The following TCEAL5 variants were observed in gnomAD, a reference collection of about 807,000 sequenced individuals.
The protein encoded by TCEAL5 is transcription elongation factor A protein-like 5.
For missense variants in TCEAL5, 111 were observed against 158.1 expected (o/e 0.70, Z 1.60); for synonymous variants, 65 against 61.2 (o/e 1.06, Z -0.29).
chrX:103,276,479 A>G (rs907137670), intron 1 of TCEAL5, among the ~76,000 whole-genome samples, 194 bp downstream of exon 1: 1 of 109,891 alleles, frequency 9.1e-6, no homozygotes, highest in African/African-American at 3.3e-5. Flanking sequence ...TCTTTCTCAC[A>G]TTTCCTTCTG....
rs1174880329 is a variant in TCEAL5, at chrX:103,273,771, C to T, written c.*172G>A. The T allele has an allele frequency of 6.0e-6, 4 of 666,418 alleles. No individual in the cohort carries two copies. In the African/African-American group the frequency reaches 6.7e-5, roughly 11 times the overall value. The allele number at this position is 666,418 out of a possible 1,213,427, so 54.9% of individuals were successfully genotyped here. ...TTCCATGCACATGGGTGAAAATCCT[C>T]TACTAAAAGACAGAGCACTGTAGTT... On this transcript the variant is annotated 3_prime_UTR_variant, in exon 3 of 3. Transcript: ENST00000372680.
At position 103,274,029 on chromosome X, in the gene TCEAL5, A is replaced by C; in HGVS notation, c.535T>G (p.Phe179Val). 1.7e-6 allele frequency: 2 copies of C among 1,211,792 alleles called. No individual in the cohort carries two copies. Among genetic ancestry groups the C allele is most frequent in the South Asian group, 3.5e-5 (2 of 56,990 alleles). The change falls in exon 3 of 3, where the codon TTC becomes GTC. Residue 179 changes from phenylalanine (F) to valine (V), a missense_variant. By Grantham distance (50) the Phe-to-Val change is conservative. Coordinates refer to ENST00000372680, the MANE Select transcript of TCEAL5 (RefSeq NM_001012979.3). Reference sequence around the variant, plus strand: ...ACACCCCGTTGGCCCCTTGGGGCGAATGGATCCTGTACATCTCTTTGCATC... The same window carrying C: ...ACACCCCGTTGGCCCCTTGGGGCGACTGGATCCTGTACATCTCTTTGCATC... ...HWMQRDVQDP[F>V]APRGQRGVRG...
chrX:103,273,855 T>TAA lies in TCEAL5; in HGVS notation c.*86_*87dup. On this transcript the variant is annotated 3_prime_UTR_variant, in exon 3 of 3. Transcript: ENST00000372680. ...CTAAAGGAAAGTATCAGCTTAAGGTTAAAGCACATAGGCCGGCAAATGCCT... is the reference window on the plus strand; with the variant it reads ...CTAAAGGAAAGTATCAGCTTAAGGTTAAAAAGCACATAGGCCGGCAAATGCCT... 1.8e-6 allele frequency: 2 copies of TAA among 1,133,033 alleles called. No individual in the cohort carries two copies. Among genetic ancestry groups the TAA allele is most frequent in the East Asian group, 3.1e-5 (1 of 32,441 alleles). The allele number at this position is 1,133,033 out of a possible 1,213,427, so 93.4% of individuals were successfully genotyped here.
chrX:103,273,753 C>T lies in TCEAL5; in HGVS notation c.*190G>A. On this transcript the variant is annotated 3_prime_UTR_variant, in exon 3 of 3. Transcript: ENST00000372680. ...ATGTACCATGAACATTTATTCCATGCACATGGGTGAAAATCCTCTACTAAA... is the reference window on the plus strand; with the variant it reads ...ATGTACCATGAACATTTATTCCATGTACATGGGTGAAAATCCTCTACTAAA... 1.7e-6 allele frequency: 1 copy of T among 571,885 alleles called. No homozygotes were observed. Among genetic ancestry groups the T allele is most frequent in the Non-Finnish European group, 2.7e-6 (1 of 367,997 alleles). 47.1% of individuals were successfully genotyped at this position (571,885 alleles called of 1,213,427 possible). A position where few individuals can be genotyped will look rare whatever the true frequency, so the allele number is the denominator to read the frequency against.
Position 103,274,243 on chromosome X carries a change from C to T in TCEAL5, c.321G>A (p.Pro107=), listed in dbSNP as rs201104941. 2 of 1,211,498 alleles carry T rather than the reference C, an allele frequency of 1.7e-6. No homozygotes were observed. The highest frequency in any genetic ancestry group is 1.7e-5 in the African/African-American group (1 of 57,618). The change falls in exon 3 of 3, where the codon CCG becomes CCA. Residue 107 remains proline, a synonymous_variant. Coordinates refer to ENST00000372680, the MANE Select transcript of TCEAL5 (RefSeq NM_001012979.3). ...ESQPRAAEKR[P]AEDYVPRKAK... is the part of the protein sequence containing the mutation. ...CTTTCCGGGGCACATAATCTTCAGC[C>T]GGGCGCTTTTCGGCGGCCCGCGGCT...
Position 103,274,038 on chromosome X carries a change from G to C in TCEAL5, c.526C>G (p.Gln176Glu). 1 of 1,211,776 alleles carries C rather than the reference G, an allele frequency of 8.3e-7. No individual in the cohort carries two copies. The highest frequency in any genetic ancestry group is 1.1e-6 in the Non-Finnish European group (1 of 895,559). Residue 176 changes from glutamine to glutamate, a missense_variant, in exon 3 of 3, where the codon CAG (glutamine) becomes GAG (glutamate). Transcript: ENST00000372680. ...TGGCCCCTTGGGGCGAATGGATCCT[G>C]TACATCTCTTTGCATCCAATGAAAA... is the stretch of plus-strand genomic sequence containing the variant. Reference protein sequence around the residue: ...GGFHWMQRDVQDPFAPRGQRG... With the variant: ...GGFHWMQRDVEDPFAPRGQRG...
intron 2 of TCEAL5, among the ~76,000 whole-genome samples, chrX:103,275,055 A>T (rs1925533662): frequency 9.0e-6 from 1 of 111,527 alleles, no homozygotes; most frequent in African/African-American, 3.3e-5. Flanking sequence ...GGCATCACAG[A>T]TGCTACACCT....
At chrX:103,276,301 CT>C (rs1925558559) in intron 1 of TCEAL5, among the ~76,000 whole-genome samples, 1 of 100,797 alleles carries the variant, frequency 9.9e-6, no homozygotes, top group South Asian at 5.1e-4. Flanking sequence ...CCCCTCCCCC[CT>C]CCCCGCCCCG....
In TCEAL5 at chrX:103,273,864, T is replaced by C. The variant is rs756134357; in HGVS notation, c.*79A>G. ...AGTATCAGCTTAAGGTTAAAGCACA[T>C]AGGCCGGCAAATGCCTGCCAGGAAA... On this transcript the variant is annotated 3_prime_UTR_variant, in exon 3 of 3. Transcript: ENST00000372680. The C allele has an allele frequency of 2.8e-5, 32 of 1,147,860 alleles. No individual in the cohort carries two copies. Among genetic ancestry groups the C allele is most frequent in the East Asian group, 1.5e-4 (5 of 33,018 alleles). 94.6% of individuals were successfully genotyped at this position (1,147,860 alleles called of 1,213,427 possible).
chrX:103,275,745 G>A (rs754300948), intron 1 of TCEAL5, among the ~76,000 whole-genome samples: 2 of 111,268 alleles, frequency 1.8e-5, no homozygotes, highest in South Asian at 7.7e-4. Context: ...CCACTTCTCT[G>A]AAAATGGTGA....
rs1456462533 is a variant in TCEAL5, at chrX:103,276,718, G to A, written c.-141C>T. ...TGCCTTCTCTGTCCTTCAGTCTGAA[G>A]TCTGCCTTCCTCCACGGAAACAGGG... On this transcript the variant is annotated 5_prime_UTR_variant, in exon 1 of 3. Coordinates refer to ENST00000372680, the MANE Select transcript of TCEAL5 (RefSeq NM_001012979.3). The A allele has an allele frequency of 9.0e-6, 1 of 111,269 alleles. No individual in the cohort carries two copies. Among genetic ancestry groups the A allele is most frequent in the Non-Finnish European group, 1.9e-5 (1 of 53,044 alleles). The allele number at this position is 111,269 out of a possible 1,213,427, so 9.2% of individuals were successfully genotyped here.
rs769832622 is a variant in TCEAL5, at chrX:103,273,982, A to C, written c.582T>G (p.Gly194=). 3 of 1,209,929 alleles carry C rather than the reference A, an allele frequency of 2.5e-6. No homozygotes were observed. The Admixed American group carries it at 6.6e-5, about 26-fold the overall frequency. Residue 194 remains glycine (G), a synonymous_variant, in exon 3 of 3, where the codon GGT becomes GGG. Transcript: ENST00000372680. The part of the protein sequence containing the change: ...QRGVRGVRGG[G]RGQKDLEDVP... Reference sequence around the variant, plus strand: ...CATCTTCTAAGTCTTTCTGGCCCCTACCTCCGCCCCTCACTCCCCTCACAC... The same window carrying C: ...CATCTTCTAAGTCTTTCTGGCCCCTCCCTCCGCCCCTCACTCCCCTCACAC...
In TCEAL5 at chrX:103,273,760, G is replaced by T; in HGVS notation, c.*183C>A. The stretch of plus-strand genomic sequence containing the variant: ...ATGAACATTTATTCCATGCACATGG[G>T]TGAAAATCCTCTACTAAAAGACAGA... On this transcript the variant is annotated 3_prime_UTR_variant, in exon 3 of 3. Transcript: ENST00000372680. 1 of 612,760 alleles carries T rather than the reference G, an allele frequency of 1.6e-6. No homozygotes were observed. The highest frequency in any genetic ancestry group is 2.5e-6 in the Non-Finnish European group (1 of 404,761). 50.5% of individuals were successfully genotyped at this position (612,760 alleles called of 1,213,427 possible).
At position 103,276,564 on chromosome X, in the gene TCEAL5, G is replaced by T. The variant is rs55797521; in HGVS notation, c.-96+109C>A. On this transcript the variant is annotated intron_variant, in intron 1 of 2. Transcript: ENST00000372680. ...TTGCCCAACACAAAAAAATTTCTGC[G>T]CCAAAATGAATGGGGGTGGAACAGG... 2.2e-3 allele frequency: 249 copies of T among 110,977 alleles called. 1 individual carries two copies. The highest frequency in any genetic ancestry group is 3.9e-3 in the Non-Finnish European group (204 of 52,957). The allele number at this position is 110,977 out of a possible 1,213,427, so 9.1% of individuals were successfully genotyped here. A position where few individuals can be genotyped will look rare whatever the true frequency, so the allele number is the denominator to read the frequency against.
chrX:103,274,260 C>T lies in TCEAL5; in HGVS notation c.304G>A (p.Ala102Thr). The T allele has an allele frequency of 8.3e-7, 1 of 1,211,491 alleles. No homozygotes were observed. The highest frequency in any genetic ancestry group is 1.1e-6 in the Non-Finnish European group (1 of 895,498). The stretch of plus-strand genomic sequence containing the variant: ...TCTTCAGCCGGGCGCTTTTCGGCGG[C>T]CCGCGGCTGGCTCTCTGGCTTGGCC... ...SQAKPESQPR[A>T]AEKRPAEDYV... is the part of the protein sequence containing the mutation. Residue 102 changes from alanine to threonine, a missense_variant, in exon 3 of 3, where the codon GCC becomes ACC. Coordinates refer to ENST00000372680, the MANE Select transcript of TCEAL5 (RefSeq NM_001012979.3).
At position 103,273,720 on chromosome X, in the gene TCEAL5, A is replaced by G. The variant is rs751348364; in HGVS notation, c.*223T>C. On this transcript the variant is annotated 3_prime_UTR_variant, in exon 3 of 3. Coordinates refer to ENST00000372680, the MANE Select transcript of TCEAL5 (RefSeq NM_001012979.3). ...GTTCTGAAAACTCTTTTTTATTGTT[A>G]TTTTACAATGTACCATGAACATTTA... 46 of 484,295 alleles carry G rather than the reference A, an allele frequency of 9.5e-5. No homozygotes were observed. Among genetic ancestry groups the G allele is most frequent in the Non-Finnish European group, 1.5e-4 (46 of 303,264 alleles). The allele number at this position is 484,295 out of a possible 1,213,427, so 39.9% of individuals were successfully genotyped here.
chrX:103,275,089 C>T (rs1472382961), intron 2 of TCEAL5, among the ~76,000 whole-genome samples, 186 bp downstream of exon 2: 1 of 111,558 alleles, frequency 9.0e-6, no homozygotes, highest in African/African-American at 3.3e-5. Flanking sequence ...TTCTTATTCT[C>T]CCCTCTATCC....
chrX:103,274,525 C>T lies in TCEAL5; in HGVS notation c.39G>A (p.Glu13=). 1 of 1,203,903 alleles carries T rather than the reference C, an allele frequency of 8.3e-7. No homozygotes were observed. Among genetic ancestry groups the T allele is most frequent in the South Asian group, 1.8e-5 (1 of 54,895 alleles). The stretch of plus-strand genomic sequence containing the variant: ...CCTCACTTTCTAGGTTTCTTTCATT[C>T]TCTGGCTTTCCTTCATTTTCTTTGT... ...KLYKENEGKP[E]NERNLESEGK... Residue 13 remains glutamate, a synonymous_variant, in exon 3 of 3, where the codon GAG becomes GAA. Coordinates refer to ENST00000372680, the MANE Select transcript of TCEAL5 (RefSeq NM_001012979.3).
chrX:103,274,643 A>T, intron 2 of TCEAL5, 53 bp from the exon 3 acceptor site: 1 of 1,087,075 alleles, frequency 9.2e-7, no homozygotes. Flanking sequence ...GGTTGAACAC[A>T]GGTCCTTATA....
Sources: gnomAD v4.1 joint callset for allele counts (sites outside exome capture counted in the v4.1 genomes callset) on GRCh38, gnomAD v4.1.1 for gene constraint, MANE v1.5 for transcripts, NCBI Gene and HGNC (gene_info 2026-07-23, HGNC 2026-07-21) for gene names.